Variants in BORCS5 observed in about 807,000 individuals in gnomAD.
BORCS5 encodes BLOC-1 related complex subunit 5.
Under a neutral mutation model 22.1 loss-of-function variants are expected in BORCS5, and 17 were observed. The observed-to-expected ratio is 0.77, with a 90% confidence interval of 0.53 to 1.15. BORCS5 has a LOEUF of 1.15. Ranked by LOEUF, BORCS5 falls within the 50% of genes most tolerant of loss-of-function variation. The pLI, the probability that BORCS5 is intolerant of heterozygous loss-of-function variation, is 0.00. For synonymous variants in BORCS5, 117 were observed against 99.8 expected (o/e 1.17, Z -1.03); for missense variants, 247 against 253.2 (o/e 0.98, Z 0.17).
chr12:12,456,444 A>C (rs1942999620), intron 3 of BORCS5, among the ~76,000 whole-genome samples: 1 of 152,138 alleles, frequency 6.6e-6, no homozygotes, highest in Admixed American at 6.5e-5. Context: ...ATAACAAACC[A>C]CAGTGACATC....
rs1942654460 is a variant in BORCS5, at chr12:12,440,297, C to T, written c.360+4512C>T. Among the ~76,000 whole-genome samples the T allele has an allele frequency of 3.3e-5, 5 of 152,290 alleles. No homozygotes were observed. The South Asian group carries it at 1.0e-3, about 32-fold the overall frequency. The stretch of plus-strand genomic sequence containing the variant: ...GAACGGAGGTAATTTACTTTGCAAT[C>T]AGGGAGTCTAGTGACATACCTTAAC... On this transcript the variant is annotated intron_variant, in intron 3 of 3. Coordinates refer to ENST00000314565, the MANE Select transcript of BORCS5 (RefSeq NM_058169.6).
At chr12:12,398,373 A>G (rs116073444) in intron 2 of BORCS5, among the ~76,000 whole-genome samples, 2,197 of 152,264 alleles carry the variant, frequency 0.014, 56 homozygotes, top group African/African-American at 0.051. Context: ...AATGAGCAGG[A>G]GAAGGAATGT....
chr12:12,383,846 G>T (rs1306807010), intron 2 of BORCS5, among the ~76,000 whole-genome samples: 1 of 150,982 alleles, frequency 6.6e-6, no homozygotes, highest in Non-Finnish European at 1.5e-5. Context: ...TGAATGTGTG[G>T]ATTAATATTT....
At chr12:12,412,279 T>C (rs1405912521) in intron 2 of BORCS5, among the ~76,000 whole-genome samples, 2 of 152,252 alleles carry the variant, frequency 1.3e-5, no homozygotes, top group Non-Finnish European at 2.9e-5. Context: ...GTATGTGTCC[T>C]CTTTAATTCC....
chr12:12,416,863 C>T (rs1201444228), intron 2 of BORCS5, among the ~76,000 whole-genome samples: 3 of 149,610 alleles, frequency 2.0e-5, no homozygotes, highest in Non-Finnish European at 4.4e-5. Flanking sequence ...CTCACTGCAG[C>T]CTCTGCCTCT....
chr12:12,453,342 G>C (rs922147513), intron 3 of BORCS5, among the ~76,000 whole-genome samples: 8 of 152,188 alleles, frequency 5.3e-5, no homozygotes, highest in African/African-American at 1.4e-4. Context: ...TCGATGCATG[G>C]TATGGCTAAT....
At chr12:12,367,981 G>A (rs552428132) in intron 2 of BORCS5, among the ~76,000 whole-genome samples, 1 of 152,244 alleles carries the variant, frequency 6.6e-6, no homozygotes, top group Non-Finnish European at 1.5e-5. Context: ...TGGCTACCAC[G>A]CTTTCTCTGT....
At chr12:12,376,840 G>C (rs1445110736) in intron 2 of BORCS5, among the ~76,000 whole-genome samples, 1 of 152,088 alleles carries the variant, frequency 6.6e-6, no homozygotes, top group Non-Finnish European at 1.5e-5. Flanking sequence ...TAAAACAATT[G>C]GTAAGCTTGT....
chr12:12,379,945 A>G (rs1233947875), intron 2 of BORCS5, among the ~76,000 whole-genome samples: 2 of 151,304 alleles, frequency 1.3e-5, no homozygotes, highest in African/African-American at 2.4e-5. Flanking sequence ...GAGATGTGCA[A>G]TTCTTCCTTT....
intron 3 of BORCS5, 190 bp downstream of exon 3, chr12:12,435,975 A>G (rs531929272): frequency 3.8e-6 from 2 of 528,742 alleles, no homozygotes; most frequent in South Asian, 5.8e-5. Flanking sequence ...TCTGATCACC[A>G]CTGATTTGCT....
intron 3 of BORCS5, among the ~76,000 whole-genome samples, chr12:12,458,678 A>G (rs1943043551): frequency 6.7e-6 from 1 of 148,874 alleles, no homozygotes; most frequent in Non-Finnish European, 1.5e-5. Context: ...TTTTGGGTTC[A>G]AGAGATTCTC....
chr12:12,465,893 T>C lies in BORCS5; in HGVS notation c.*117T>C. On this transcript the variant is annotated 3_prime_UTR_variant, in exon 4 of 4. Transcript: ENST00000314565. The stretch of plus-strand genomic sequence containing the variant: ...AGGCTGGCGGGAGGCTCCCTGAAAG[T>C]GGGTGCGAAGGAGTCCGGCTGGCAT... The C allele has an allele frequency of 1.2e-6, 1 of 836,402 alleles. No individual in the cohort carries two copies. Among genetic ancestry groups the C allele is most frequent in the East Asian group, 2.7e-5 (1 of 37,312 alleles). The allele number at this position is 836,402 out of a possible 1,614,324, so 51.8% of individuals were successfully genotyped here.
At chr12:12,361,391 G>A (rs368910873) in intron 2 of BORCS5, 42 bp downstream of exon 2, 69 of 1,603,442 alleles carry the variant, frequency 4.3e-5, no homozygotes, top group African/African-American at 1.5e-4. Context: ...TGCTGGAGAC[G>A]TTTGTGTAGC....
intron 2 of BORCS5, among the ~76,000 whole-genome samples, chr12:12,389,149 T>C (rs1404999261): frequency 6.7e-6 from 1 of 148,948 alleles, no homozygotes; most frequent in Non-Finnish European, 1.5e-5. Context: ...TTTTTTTTTT[T>C]TTTTTGAGAC....
chr12:12,448,652 C>T (rs367948153), intron 3 of BORCS5, among the ~76,000 whole-genome samples: 1 of 152,008 alleles, frequency 6.6e-6, no homozygotes, highest in Non-Finnish European at 1.5e-5. Context: ...CCTCAGCCTC[C>T]CGAGTAGCTG....
At chr12:12,402,058 T>TC (rs1265997642) in intron 2 of BORCS5, among the ~76,000 whole-genome samples, 1 of 128,788 alleles carries the variant, frequency 7.8e-6, no homozygotes. Flanking sequence ...AGAGCGAGAC[T>TC]CCGTCTCAAA....
chr12:12,434,584 A>G lies in BORCS5; in HGVS notation c.203-1044A>G, dbSNP rs138302030. Among the ~76,000 whole-genome samples, 934 of 152,366 alleles carry G rather than the reference A, an allele frequency of 6.1e-3. 5 individuals are homozygous for G. The highest frequency in any genetic ancestry group is 9.5e-3 in the Non-Finnish European group (643 of 68,032). On this transcript the variant is annotated intron_variant, in intron 2 of 3. Transcript: ENST00000314565. ...CAACAGATTAAATGCAGAAGCAGCT[A>G]TGATATTCCAGCTGTTTTCTATTAA... is the stretch of plus-strand genomic sequence containing the variant.
chr12:12,462,570 T>C (rs1943127151), intron 3 of BORCS5, among the ~76,000 whole-genome samples: 1 of 152,238 alleles, frequency 6.6e-6, no homozygotes, highest in Non-Finnish European at 1.5e-5. Context: ...ACAAAAATTG[T>C]GACTATCCAT....
intron 2 of BORCS5, among the ~76,000 whole-genome samples, chr12:12,404,825 A>G (rs1941557438): frequency 6.6e-6 from 1 of 152,052 alleles, no homozygotes; most frequent in Admixed American, 6.6e-5. Flanking sequence ...CAGCCTCCCA[A>G]GTAGCTGGGA....
Sources: gnomAD v4.1 joint callset for allele counts (sites outside exome capture counted in the v4.1 genomes callset) on GRCh38, gnomAD v4.1.1 for gene constraint, MANE v1.5 for transcripts, NCBI Gene and HGNC (gene_info 2026-07-23, HGNC 2026-07-21) for gene names.